Variants in ROBO2 observed in about 807,000 individuals in gnomAD.
The protein encoded by ROBO2 is roundabout guidance receptor 2.
In ROBO2, 53 loss-of-function variants were observed where a neutral mutation model predicts 160.8. The ratio of observed to expected loss-of-function variants is 0.33; its 90% CI spans 0.26 to 0.41. ROBO2 has a LOEUF of 0.41. Among genes scored for constraint, ROBO2 ranks in the 10% least tolerant of loss-of-function variants. ROBO2 has a pLI of 1.00. For synonymous variants in ROBO2, 664 were observed against 611.7 expected (o/e 1.09, Z -1.26); for missense variants, 1,577 against 1,722.4 (o/e 0.92, Z 1.49).
At chr3:76,356,921 TATTAA>T (rs552590874) in intron 2 of ROBO2, among the ~76,000 whole-genome samples, 96 of 151,980 alleles carry the variant, frequency 6.3e-4, no homozygotes, top group African/African-American at 2.2e-3. Flanking sequence ...TAAATGTGAG[TATTAA>T]ATTAAAAGTC....
chr3:77,118,650 T>A (rs1215938802), intron 2 of ROBO2, among the ~76,000 whole-genome samples: 1 of 152,232 alleles, frequency 6.6e-6, no homozygotes. Context: ...AAACTATACA[T>A]GACTTGTCAG....
chr3:77,601,784 T>C (rs2094435534), intron 19 of ROBO2, among the ~76,000 whole-genome samples: 1 of 152,208 alleles, frequency 6.6e-6, no homozygotes, highest in African/African-American at 2.4e-5. Context: ...TTAGCATGTA[T>C]TTAGCAGTTG....
intron 2 of ROBO2, among the ~76,000 whole-genome samples, chr3:77,405,458 A>C (rs1343840980): frequency 6.6e-6 from 1 of 152,104 alleles, no homozygotes; most frequent in Non-Finnish European, 1.5e-5. Flanking sequence ...TCTAATTATG[A>C]TTAAGTTTTA....
chr3:76,296,958 A>T (rs1406124014), intron 2 of ROBO2, among the ~76,000 whole-genome samples: 4 of 152,158 alleles, frequency 2.6e-5, no homozygotes. Context: ...TAGCCACATT[A>T]TTTTTGTTTA....
intron 2 of ROBO2, among the ~76,000 whole-genome samples, chr3:76,134,725 AC>A (rs1482275459): frequency 6.6e-6 from 1 of 152,032 alleles, no homozygotes; most frequent in African/African-American, 2.4e-5. Flanking sequence ...TGGATTCCTG[AC>A]CCATGGAATC....
chr3:76,608,517 A>G lies in ROBO2; in HGVS notation c.110-489497A>G, dbSNP rs565895700. On this transcript the variant is annotated intron_variant, in intron 2 of 26. Transcript: ENST00000487694. ...TCCAGACCAGTGGTTCTCAACTAGG[A>G]TGGTTTGGACAATCACTTTGTTGAT... Among the ~76,000 whole-genome samples the G allele has an allele frequency of 3.9e-5, 6 of 152,248 alleles. No individual in the cohort carries two copies. The East Asian group carries it at 1.2e-3, about 29-fold the overall frequency.
At position 76,538,095 on chromosome 3, in the gene ROBO2, T is replaced by C. The variant is rs113329479; in HGVS notation, c.110-559919T>C. Among the ~76,000 whole-genome samples, 1,395 of 152,082 alleles carry C rather than the reference T, an allele frequency of 9.2e-3. 21 individuals carry two copies. The highest frequency in any genetic ancestry group is 0.032 in the African/African-American group (1,306 of 41,444). ...CTCCTGCAGACCATCTGGACATATGTGTGCAGGTCACAGGGGTTATAATGG... is the reference window on the plus strand; with the variant it reads ...CTCCTGCAGACCATCTGGACATATGCGTGCAGGTCACAGGGGTTATAATGG... On this transcript the variant is annotated intron_variant, in intron 2 of 26. Coordinates refer to the ROBO2 transcript ENST00000487694.
At chr3:77,647,665 C>T (rs755174204) in exon 26 of ROBO2, 6 of 152,042 alleles carry the variant, frequency 3.9e-5, no homozygotes, top group Non-Finnish European at 8.8e-5. Context: ...CCTGAAATTC[C>T]CACTTGTGAC....
intron 2 of ROBO2, among the ~76,000 whole-genome samples, chr3:76,025,558 A>G (rs945676796): frequency 1.3e-5 from 2 of 151,774 alleles, no homozygotes; most frequent in Admixed American, 6.6e-5. Flanking sequence ...GAAGTTTTGC[A>G]TAAAATAGGA....
At chr3:75,966,938 T>G (rs1029346770) in intron 2 of ROBO2, among the ~76,000 whole-genome samples, 4 of 151,742 alleles carry the variant, frequency 2.6e-5, no homozygotes, top group African/African-American at 9.7e-5. Flanking sequence ...ACCTTCGGTC[T>G]CTACAGATAG....
At chr3:76,679,917 T>C (rs1210465895) in intron 2 of ROBO2, among the ~76,000 whole-genome samples, 3 of 152,170 alleles carry the variant, frequency 2.0e-5, no homozygotes, top group African/African-American at 7.2e-5. Context: ...CTGAGATTTC[T>C]TTAGTGTTAT....
chr3:76,271,640 G>C (rs1707437002), intron 2 of ROBO2, among the ~76,000 whole-genome samples: 1 of 151,574 alleles, frequency 6.6e-6, no homozygotes, highest in African/African-American at 2.4e-5. Context: ...TGTCCAGTAA[G>C]AATATGTATT....
chr3:76,479,208 C>G (rs964808367), intron 2 of ROBO2, among the ~76,000 whole-genome samples: 1 of 152,142 alleles, frequency 6.6e-6, no homozygotes, highest in African/African-American at 2.4e-5. Flanking sequence ...TAATGGTATT[C>G]ATGAAGCTTG....
chr3:76,498,656 T>C (rs1199070359), intron 2 of ROBO2, among the ~76,000 whole-genome samples: 2 of 151,046 alleles, frequency 1.3e-5, no homozygotes, highest in Non-Finnish European at 2.9e-5. Flanking sequence ...TAACCAAACA[T>C]ACATCTGCTT....
chr3:76,750,241 CA>C (rs2093960932), intron 2 of ROBO2, among the ~76,000 whole-genome samples: 1 of 152,084 alleles, frequency 6.6e-6, no homozygotes, highest in Admixed American at 6.6e-5. Context: ...TGACAAAATT[CA>C]ACAGTCCTTC....
At chr3:77,099,440 G>A (rs938793191) in intron 2 of ROBO2, among the ~76,000 whole-genome samples, 1 of 152,168 alleles carries the variant, frequency 6.6e-6, no homozygotes, top group Admixed American at 6.5e-5. Flanking sequence ...AATAGGAAAA[G>A]ACTAGGAGAA....
intron 2 of ROBO2, among the ~76,000 whole-genome samples, chr3:76,840,558 C>T (rs182170398): frequency 0.028 from 4,194 of 148,652 alleles, 208 homozygotes; most frequent in African/African-American, 0.099. Flanking sequence ...TGCAGTGAGC[C>T]GAGATCGCAC....
chr3:77,525,517 C>A (rs1042276891), intron 6 of ROBO2, among the ~76,000 whole-genome samples: 1 of 150,692 alleles, frequency 6.6e-6, no homozygotes, highest in Admixed American at 6.7e-5. Flanking sequence ...AGCCAGTCAA[C>A]AACAAACCTC....
intron 2 of ROBO2, among the ~76,000 whole-genome samples, chr3:77,433,430 A>AT (rs1017234578): frequency 2.1e-4 from 31 of 145,542 alleles, no homozygotes; most frequent in African/African-American, 7.6e-4. Context: ...ATTAGGGACC[A>AT]TGCAGGGTGC....
Sources: gnomAD v4.1 joint callset for allele counts (sites outside exome capture counted in the v4.1 genomes callset) on GRCh38, gnomAD v4.1.1 for gene constraint, MANE v1.5 for transcripts, NCBI Gene and HGNC (gene_info 2026-07-23, HGNC 2026-07-21) for gene names.